MX1: variants seen among roughly 807,000 people sequenced by gnomAD.
MX1 encodes interferon-induced GTP-binding protein Mx1.
Under a neutral mutation model 66.4 loss-of-function variants are expected in MX1, and 66 were observed. The ratio of observed to expected loss-of-function variants is 0.99; its 90% CI spans 0.82 to 1.22. The LOEUF is 1.22. Among genes scored for constraint, MX1 ranks in the 50% most tolerant of loss-of-function variants. The pLI, the probability that MX1 is intolerant of heterozygous loss-of-function variation, is 0.00. For synonymous variants in MX1, 311 were observed against 318.1 expected, an observed-to-expected ratio of 0.98 and a Z score of 0.24; for missense variants, 787 against 834.3, an observed-to-expected ratio of 0.94 and a Z score of 0.70.
chr21:41,426,582 T>A (rs2090066180), intron 1 of MX1: 1 of 150,676 alleles, frequency 6.6e-6, no homozygotes, highest in Non-Finnish European at 1.5e-5. Context: ...TCGGGGGAGG[T>A]CTCCGAGGGA....
rs1403246555 is a variant in MX1 at position 41,441,882 on chromosome 21, G to A, written c.897G>A (p.Glu299=). Residue 299 remains glutamate (E), a synonymous_variant, in exon 10 of 17, where the codon GAG becomes GAA. Transcript: ENST00000398598. This position sits in a 1 kb window ranked among gnomAD's most constrained non-coding sequence, Gnocchi z 4.0. The stretch of plus-strand genomic sequence containing the variant: ...GCCTGTCCGAAGCCCTGCAGAGAGA[G>A]AAGATCTTCTTTGAGAACCACCCAT... ...QLSLSEALQR[E]KIFFENHPYF... is the part of the protein sequence containing the mutation. 1.2e-6 allele frequency: 2 copies of A among 1,614,050 alleles called. No individual in the cohort carries two copies. Among genetic ancestry groups the A allele is most frequent in the Non-Finnish European group, 1.7e-6 (2 of 1,179,888 alleles).
rs757747473 is a variant in MX1, at chr21:41,449,184, C to T, written c.1321C>T (p.Arg441Cys). 38 of 1,613,160 alleles carry T rather than the reference C, an allele frequency of 2.4e-5. No individual in the cohort carries two copies. Among genetic ancestry groups the T allele is most frequent in the Middle Eastern group, 1.6e-4 (1 of 6,082 alleles). The change falls in exon 14 of 17, where the codon CGT becomes TGT. Residue 441 changes from arginine to cysteine, a missense_variant. Transcript: ENST00000398598. ...RKIQKFENQY[R>C]GRELPGFVNY... is the part of the protein sequence containing the mutation. Reference sequence around the variant, plus strand: ...AATCCAGAAATTTGAAAATCAGTATCGTGGTAGAGAGCTGCCAGGCTTTGT... The same window carrying T: ...AATCCAGAAATTTGAAAATCAGTATTGTGGTAGAGAGCTGCCAGGCTTTGT...
At chr21:41,423,421 G>C (rs1054849706), upstream of MX1, 2 of 152,254 alleles carry the variant, frequency 1.3e-5, no homozygotes, top group Non-Finnish European at 2.9e-5. Flanking sequence ...TCGAATGCCT[G>C]GGTTTCTGTC....
chr21:41,432,261 GCC>G, intron 5 of MX1, 86 bp downstream of exon 5: 1 of 1,151,570 alleles, frequency 8.7e-7, no homozygotes, highest in Non-Finnish European at 1.3e-6. Flanking sequence ...TGCTACTGCT[GCC>G]CAGATATGCC....
chr21:41,446,109 G>A lies in MX1; in HGVS notation c.1241G>A (p.Trp414Ter), dbSNP rs1296936324. 6.2e-6 allele frequency: 10 copies of A among 1,614,112 alleles called. No homozygotes were observed. Among genetic ancestry groups the A allele is most frequent in the Non-Finnish European group, 8.5e-6 (10 of 1,180,000 alleles). ...AGACTCCGACACGAGTTCCACAAAT[G>A]GAGTACAATAATTGAAAACAATTTT... is the stretch of plus-strand genomic sequence containing the variant. ...FTRLRHEFHK[W>*]STIIENNFQE... Residue 414 changes from tryptophan to a stop codon, truncating the protein, a stop_gained, in exon 13 of 17, where the codon TGG becomes TAG. Coordinates refer to ENST00000398598, the MANE Select transcript of MX1 (RefSeq NM_002462.5). LOFTEE classifies it high-confidence loss of function.
At chr21:41,442,128 G>GA (rs1016131861) in intron 10 of MX1, among the ~76,000 whole-genome samples, 42 of 144,616 alleles carry the variant, frequency 2.9e-4, no homozygotes, top group East Asian at 6.0e-4. Context: ...ATACTGCCAA[G>GA]AAAAAAAAAA....
intron 8 of MX1, among the ~76,000 whole-genome samples, chr21:41,440,404 G>C (rs2090474098): frequency 6.6e-6 from 1 of 152,052 alleles, no homozygotes; most frequent in Non-Finnish European, 1.5e-5. Context: ...AGGATTGCTT[G>C]AACCAGGGAG....
intron 10 of MX1, 122 bp from the exon 11 acceptor site, chr21:41,443,666 G>A (rs1292136741): frequency 4.8e-6 from 4 of 828,630 alleles, no homozygotes; most frequent in Non-Finnish European, 8.3e-6. Flanking sequence ...GGTACCAACT[G>A]CAAGACATTC....
At chr21:41,424,490 G>T (rs2090026638), upstream of MX1, among the ~76,000 whole-genome samples, 2 of 152,158 alleles carry the variant, frequency 1.3e-5, no homozygotes, top group African/African-American at 4.8e-5. Flanking sequence ...ACCTAAAGCT[G>T]GGGCAGGTTC....
At chr21:41,442,416 G>A (rs1413018314) in intron 10 of MX1, among the ~76,000 whole-genome samples, 2 of 152,128 alleles carry the variant, frequency 1.3e-5, no homozygotes, top group African/African-American at 4.8e-5. Context: ...TACCAAAATA[G>A]TTAAAGTTTA....
intron 3 of MX1, chr21:41,428,078 ATG>A (rs759036456): frequency 1.3e-5 from 2 of 152,004 alleles, no homozygotes; most frequent in Non-Finnish European, 2.9e-5. Context: ...GCTAATTTGT[ATG>A]TGTTTAGTAG....
intron 13 of MX1, 137 bp downstream of exon 13, chr21:41,446,278 C>A (rs2090661470): frequency 2.5e-6 from 2 of 802,206 alleles, no homozygotes; most frequent in Non-Finnish European, 3.9e-6. Context: ...AATTTGGTGT[C>A]TGGTGAGAGC....
At chr21:41,425,130 G>A (rs462687), upstream of MX1, among the ~76,000 whole-genome samples, 80,107 of 152,066 alleles carry the variant, frequency 0.53, 21,828 homozygotes, top group East Asian at 0.7. Flanking sequence ...AATGTTAACT[G>A]TTTTCATGTG....
intron 1 of MX1, among the ~76,000 whole-genome samples, chr21:41,421,051 T>C (rs1006279609): frequency 6.6e-6 from 1 of 152,144 alleles, no homozygotes; most frequent in Non-Finnish European, 1.5e-5. Flanking sequence ...TATTGATCAT[T>C]TGTGGGTGTT....
At chr21:41,421,349 C>T (rs954837792), upstream of MX1, 3 of 152,226 alleles carry the variant, frequency 2.0e-5, no homozygotes, top group African/African-American at 7.2e-5. Flanking sequence ...AGACAGATGC[C>T]TTCCTCTTGT....
intron 13 of MX1, 37 bp from the exon 14 acceptor site, chr21:41,449,100 T>C (rs747098575): frequency 1.3e-6 from 2 of 1,537,494 alleles, no homozygotes; most frequent in Non-Finnish European, 1.8e-6. Context: ...AGATTATTTT[T>C]GTAAAATAAT....
chr21:41,434,322 C>G (rs1362295073), intron 5 of MX1, among the ~76,000 whole-genome samples: 2 of 152,156 alleles, frequency 1.3e-5, no homozygotes, highest in African/African-American at 2.4e-5. Context: ...GCAAGTACTT[C>G]ACTATTTTGA....
chr21:41,443,862 TC>T lies in MX1; in HGVS notation c.1005del (p.Cys336ValfsTer7). The T allele has an allele frequency of 6.2e-7, 1 of 1,614,202 alleles. No homozygotes were observed. The highest frequency in any genetic ancestry group is 1.6e-4 in the Middle Eastern group (1 of 6,062). ...EKLTSELITH[I>X]CKSLPLLENQ... ...CTTACCAGCGAGCTCATCACACATA[TC>T]TGTGTAAGCACGGGCAGAGCTGTGG... On this transcript the variant is annotated frameshift_variant, in exon 11 of 17. Coordinates refer to ENST00000398598, the MANE Select transcript of MX1 (RefSeq NM_002462.5). LOFTEE classifies it high-confidence loss of function.
rs748334996 is a variant in MX1 at position 41,441,857 on chromosome 21, G to A, written c.872G>A (p.Ser291Asn). The change falls in exon 10 of 17, where the codon AGC (serine) becomes AAC (asparagine). Residue 291 changes from serine to asparagine, a missense_variant. Coordinates refer to ENST00000398598, the MANE Select transcript of MX1 (RefSeq NM_002462.5). The surrounding 1 kb of genome is among the most constrained non-coding windows in gnomAD (Gnocchi z 4.0). ...CAGCAGGAGATCCAGGACCAGCTGA[G>A]CCTGTCCGAAGCCCTGCAGAGAGAG... ...RGQQEIQDQLSLSEALQREKI... is the reference protein window; with the variant it reads ...RGQQEIQDQLNLSEALQREKI... The A allele has an allele frequency of 1.7e-5, 28 of 1,614,100 alleles. No individual in the cohort carries two copies. The highest frequency in any genetic ancestry group is 2.3e-5 in the Non-Finnish European group (27 of 1,180,046).
Sources: gnomAD v4.1 joint callset for allele counts (sites outside exome capture counted in the v4.1 genomes callset) on GRCh38, gnomAD v4.1.1 for gene constraint, Gnocchi (gnomAD v3.1) non-coding constraint, MANE v1.5 for transcripts, NCBI Gene and HGNC (gene_info 2026-07-23, HGNC 2026-07-21) for gene names.